The following ECM2 variants were observed in gnomAD, a reference collection of about 807,000 sequenced individuals.
The protein encoded by ECM2 is extracellular matrix protein 2.
ECM2 carries 57 observed loss-of-function variants against 67.5 expected under a neutral mutation model. The ratio of observed to expected loss-of-function variants is 0.84; its 90% CI spans 0.68 to 1.05. ECM2 has a LOEUF of 1.05. Among genes scored for constraint, ECM2 ranks in the 50% least tolerant of loss-of-function variants. The probability of loss-of-function intolerance (pLI) is 0.00; values close to 1 mark genes in which losing one functional copy is unlikely to be tolerated. For missense variants in ECM2, 741 were observed against 822.8 expected, an observed-to-expected ratio of 0.90 and a Z score of 1.22; for synonymous variants, 258 against 294.5, an observed-to-expected ratio of 0.88 and a Z score of 1.27.
chr9:92,496,632 C>G, intron 9 of ECM2, 149 bp from the exon 10 acceptor site: 3 of 988,926 alleles, frequency 3.0e-6, no homozygotes, highest in South Asian at 2.0e-5. Flanking sequence ...GTCAGAGATT[C>G]AAATGTGAAA....
At chr9:92,512,323 A>G (rs1230714612) in intron 4 of ECM2, among the ~76,000 whole-genome samples, 197 bp from the exon 5 acceptor site, 6 of 152,224 alleles carry the variant, frequency 3.9e-5, no homozygotes. Flanking sequence ...ATGGTTTAAC[A>G]TAGTTGACAT....
Position 92,502,056 on chromosome 9 carries a change from A to G in ECM2, c.1604+457T>C, listed in dbSNP as rs532939313. ...CTGGGCTCTGGAGCCTGGTGCTTCC[A>G]CCTAATGATGATGAGGAGAAGGAGT... On this transcript the variant is annotated intron_variant, in intron 8 of 9. Coordinates refer to ENST00000344604, the MANE Select transcript of ECM2 (RefSeq NM_001393.4). Among the ~76,000 whole-genome samples the G allele has an allele frequency of 4.9e-4, 75 of 152,290 alleles. 1 individual carries two copies. The South Asian group carries it at 0.015, about 31-fold the overall frequency.
intron 9 of ECM2, among the ~76,000 whole-genome samples, chr9:92,500,512 A>G (rs1440429046): frequency 6.6e-6 from 1 of 152,218 alleles, no homozygotes; most frequent in Non-Finnish European, 1.5e-5. Context: ...GAAATTTATA[A>G]ACATGTGCAA....
the ECM2 span, among the ~76,000 whole-genome samples, chr9:92,554,602 G>A: frequency 6.6e-6 from 1 of 152,108 alleles, no homozygotes; most frequent in Non-Finnish European, 1.5e-5. Flanking sequence ...TTGATATGTT[G>A]TTGGATTCTA....
At chr9:92,523,136 A>T (rs1365617041) in intron 1 of ECM2, among the ~76,000 whole-genome samples, 1 of 151,718 alleles carries the variant, frequency 6.6e-6, no homozygotes, top group Non-Finnish European at 1.5e-5. Flanking sequence ...GCTGGAGTGC[A>T]GTGGTTCAGT....
chr9:92,551,193 G>A, the ECM2 span, among the ~76,000 whole-genome samples: 8 of 152,106 alleles, frequency 5.3e-5, no homozygotes, highest in African/African-American at 1.9e-4. Flanking sequence ...TGTGACGCTG[G>A]GATTGGAAGC....
At chr9:92,544,974 AGCCCG>A in the ECM2 span, among the ~76,000 whole-genome samples, 16 of 152,156 alleles carry the variant, frequency 1.1e-4, no homozygotes, top group Admixed American at 1.0e-3. Context: ...CACCCGCCTC[AGCCCG>A]CTCCAGAGTG....
intron 5 of ECM2, among the ~76,000 whole-genome samples, chr9:92,511,589 C>T (rs1847348026): frequency 1.3e-5 from 2 of 152,012 alleles, no homozygotes; most frequent in African/African-American, 4.8e-5. Context: ...CCAAAGTATC[C>T]TCCATCAGGT....
chr9:92,510,239 G>A (rs1402503752), intron 5 of ECM2, among the ~76,000 whole-genome samples: 1 of 152,310 alleles, frequency 6.6e-6, no homozygotes, highest in East Asian at 1.9e-4. Context: ...GGGATTTTCA[G>A]CAGACTACAT....
At chr9:92,544,952 C>A in the ECM2 span, among the ~76,000 whole-genome samples, 2 of 152,132 alleles carry the variant, frequency 1.3e-5, no homozygotes, top group African/African-American at 4.8e-5. Context: ...AAACTCCTGA[C>A]CTCAGGTGAT....
intron 1 of ECM2, among the ~76,000 whole-genome samples, chr9:92,532,572 T>C (rs1340991981): frequency 1.3e-5 from 2 of 152,184 alleles, no homozygotes; most frequent in Non-Finnish European, 2.9e-5. Flanking sequence ...TTCTCTGAAC[T>C]GATCTTCCAG....
chr9:92,512,143 T>G lies in ECM2; in HGVS notation c.1055-17A>C. 1.3e-6 allele frequency: 2 copies of G among 1,592,308 alleles called. No homozygotes were observed. The highest frequency in any genetic ancestry group is 1.7e-6 in the Non-Finnish European group (2 of 1,160,846). On this transcript the variant is annotated splice_polypyrimidine_tract_variant and intron_variant, in intron 4 of 9. Coordinates refer to ENST00000344604, the MANE Select transcript of ECM2 (RefSeq NM_001393.4). Reference sequence around the variant, plus strand: ...TGGAATTGCCTAGGACACACAGCGGTTATGTTTTAGGCATGTGTGCATATA... The same window carrying G: ...TGGAATTGCCTAGGACACACAGCGGGTATGTTTTAGGCATGTGTGCATATA...
At position 92,500,707 on chromosome 9, in the gene ECM2, T is replaced by A; in HGVS notation, c.1931+20A>T. On this transcript the variant is annotated intron_variant, in intron 9 of 9. Coordinates refer to ENST00000344604, the MANE Select transcript of ECM2 (RefSeq NM_001393.4). ...TGCCAACCAAAATTTAAACAGATAC[T>A]TGAAAAAGCCAAAATTTACCGTATC... 2.5e-6 allele frequency: 4 copies of A among 1,592,086 alleles called. No homozygotes were observed. The highest frequency in any genetic ancestry group is 3.4e-6 in the Non-Finnish European group (4 of 1,167,580).
chr9:92,495,663 C>T lies in ECM2; in HGVS notation c.*652G>A. 1 of 892,142 alleles carries T rather than the reference C, an allele frequency of 1.1e-6. No individual in the cohort carries two copies. The highest frequency in any genetic ancestry group is 1.3e-6 in the Non-Finnish European group (1 of 745,014). The allele number at this position is 892,142 out of a possible 1,614,324, so 55.3% of individuals were successfully genotyped here. A position where few individuals can be genotyped will look rare whatever the true frequency, so the allele number is the denominator to read the frequency against. ...TTTCAAAAAGAGTATAGAATTTATGCACACCCTTCTGCCAGCTTTCCTTAA... is the reference window on the plus strand; with the variant it reads ...TTTCAAAAAGAGTATAGAATTTATGTACACCCTTCTGCCAGCTTTCCTTAA... On this transcript the variant is annotated 3_prime_UTR_variant, in exon 10 of 10. Coordinates refer to ENST00000344604, the MANE Select transcript of ECM2 (RefSeq NM_001393.4).
chr9:92,502,000 A>G (rs1846707917), intron 8 of ECM2, among the ~76,000 whole-genome samples: 1 of 152,220 alleles, frequency 6.6e-6, no homozygotes, highest in African/African-American at 2.4e-5. Flanking sequence ...AGTTTGGAGA[A>G]AAGAAGGCTG....
At position 92,522,641 on chromosome 9, in the gene ECM2, T is replaced by C. The variant is rs1848149037; in HGVS notation, c.226A>G (p.Met76Val). The change falls in exon 2 of 10, where the codon ATG (methionine) becomes GTG (valine). Residue 76 changes from methionine (M) to valine (V), a missense_variant. By Grantham distance (21) the Met-to-Val change is conservative. Transcript: ENST00000344604. The stretch of plus-strand genomic sequence containing the variant: ...GAAAAGGATTCAAACTTTTCCTCCA[T>C]GCTATAATCAAAGTTAACAATAGGA... ...RLPIVNFDYS[M>V]EEKFESFSSF... The C allele has an allele frequency of 6.2e-7, 1 of 1,613,956 alleles. No homozygotes were observed. The highest frequency in any genetic ancestry group is 8.5e-7 in the Non-Finnish European group (1 of 1,180,004).
chr9:92,496,182 G>A lies in ECM2; in HGVS notation c.*133C>T. The stretch of plus-strand genomic sequence containing the variant: ...GTATATTTTGGTTGTTCATCTGTGT[G>A]TTAGTGAATCAGGTTGACTAGCATA... On this transcript the variant is annotated 3_prime_UTR_variant, in exon 10 of 10. Transcript: ENST00000344604. 7.2e-7 allele frequency: 1 copy of A among 1,393,688 alleles called. No homozygotes were observed. The highest frequency in any genetic ancestry group is 9.3e-7 in the Non-Finnish European group (1 of 1,080,804). 86.3% of individuals were successfully genotyped at this position (1,393,688 alleles called of 1,614,324 possible).
Position 92,496,144 on chromosome 9 carries a change from C to T in ECM2, c.*171G>A. On this transcript the variant is annotated 3_prime_UTR_variant, in exon 10 of 10. Transcript: ENST00000344604. Reference sequence around the variant, plus strand: ...TTACTATTAATAAAACTCCTAGAGACTATACCTTTTAGGTATATTTTGGTT... The same window carrying T: ...TTACTATTAATAAAACTCCTAGAGATTATACCTTTTAGGTATATTTTGGTT... 1.5e-6 allele frequency: 2 copies of T among 1,308,198 alleles called. No individual in the cohort carries two copies. Among genetic ancestry groups the T allele is most frequent in the Non-Finnish European group, 1.9e-6 (2 of 1,033,322 alleles). 81.0% of individuals were successfully genotyped at this position (1,308,198 alleles called of 1,614,324 possible).
chr9:92,536,784 T>C (rs1048717159), upstream of ECM2: 2 of 152,194 alleles, frequency 1.3e-5, no homozygotes, highest in African/African-American at 4.8e-5. Context: ...CTTTCAAATT[T>C]TTCTGAAAAT....
Sources: allele counts gnomAD v4.1 joint callset (sites outside exome capture counted in the v4.1 genomes callset), GRCh38; gene constraint gnomAD v4.1.1; transcripts MANE v1.5; gene names NCBI Gene and HGNC (gene_info 2026-07-23, HGNC 2026-07-21).